The following HBM variants were observed in gnomAD, a reference collection of about 807,000 sequenced individuals.
HBM encodes hemoglobin subunit mu, also known as alpha globin pseudogene 2.
A neutral mutation model predicts 12.8 loss-of-function variants in HBM; 9 were observed. That is an observed-to-expected ratio of 0.70 (90% confidence interval 0.42 to 1.23). The LOEUF is 1.23. HBM is among the 50% of genes most tolerant of loss of function. HBM has a pLI of 0.00. For synonymous variants in HBM, 100 were observed against 92.0 expected (o/e 1.09, Z -0.50); for missense variants, 214 against 195.4 (o/e 1.10, Z -0.57).
Position 166,253 on chromosome 16 carries a change from G to A in HBM, c.93-15G>A. ...GCAGCCGCCCTCCTCCCCGGTCACT[G>A]ACCTGGTCCTGCAGGCTCTTCACGG... On this transcript the variant is annotated splice_polypyrimidine_tract_variant and intron_variant, in intron 1 of 2. Coordinates refer to ENST00000356815, the MANE Select transcript of HBM (RefSeq NM_001003938.4). 6.3e-7 allele frequency: 1 copy of A among 1,585,510 alleles called. No homozygotes were observed. Among genetic ancestry groups the A allele is most frequent in the Non-Finnish European group, 8.5e-7 (1 of 1,173,170 alleles).
At position 166,056 on chromosome 16, in the gene HBM, A is replaced by G. The variant is rs755176891; in HGVS notation, c.59A>G (p.His20Arg). 9 of 1,603,482 alleles carry G rather than the reference A, an allele frequency of 5.6e-6. No homozygotes were observed. Among genetic ancestry groups the G allele is most frequent in the Non-Finnish European group, 6.8e-6 (8 of 1,176,314 alleles). Residue 20 changes from histidine (H) to arginine (R), a missense_variant, in exon 1 of 3, where the codon CAC becomes CGC. By Grantham distance (29) the His-to-Arg change is conservative (BLOSUM62 0). Coordinates refer to ENST00000356815, the MANE Select transcript of HBM (RefSeq NM_001003938.4). The part of the protein sequence containing the change: ...IAQVWDLIAG[H>R]EAQFGAELLL... ...CAGGTCTGGGACCTGATTGCGGGCCACGAGGCGCAATTCGGGGCGGAGCTG... is the reference window on the plus strand; with the variant it reads ...CAGGTCTGGGACCTGATTGCGGGCCGCGAGGCGCAATTCGGGGCGGAGCTG...
chr16:166,170 G>A, intron 1 of HBM, 81 bp downstream of exon 1: 2 of 1,435,736 alleles, frequency 1.4e-6, no homozygotes, highest in East Asian at 2.5e-5. Flanking sequence ...CGCCATCCAA[G>A]GTCCTTCGGG....
Sources: allele counts gnomAD v4.1 joint callset, GRCh38; gene constraint gnomAD v4.1.1; transcripts MANE v1.5; gene names NCBI Gene and HGNC (gene_info 2026-07-23, HGNC 2026-07-21).